KCNMA1: variants seen among roughly 807,000 people sequenced by gnomAD.
KCNMA1 encodes potassium calcium-activated channel subfamily M alpha 1, also known as Calcium-activated potassium channel subunit alpha-1.
A neutral mutation model predicts 140.0 loss-of-function variants in KCNMA1; 29 were observed. The observed-to-expected ratio is 0.21, with a 90% CI of 0.15 to 0.28. The LOEUF is 0.28. Ranked by LOEUF, KCNMA1 falls within the 10% of genes least tolerant of loss-of-function variation. KCNMA1 has a pLI of 1.00. For synonymous variants in KCNMA1, 612 were observed against 611.9 expected, an observed-to-expected ratio of 1.00 and a Z score of 0.00; for missense variants, 880 against 1,602.2, an observed-to-expected ratio of 0.55 and a Z score of 7.70.
intron 1 of KCNMA1, among the ~76,000 whole-genome samples, chr10:77,547,897 G>A (rs1013317223): frequency 6.6e-6 from 1 of 152,112 alleles, no homozygotes; most frequent in Non-Finnish European, 1.5e-5. Context: ...ATGCTCATCT[G>A]TTCTGGGGTG....
In KCNMA1 at chr10:77,025,276, A is replaced by G. The variant is rs553467393; in HGVS notation, c.1928+2547T>C. On this transcript the variant is annotated intron_variant, in intron 16 of 27. Transcript: ENST00000286628. The stretch of plus-strand genomic sequence containing the variant: ...TATATATATATATATATATATATAT[A>G]TATATACACACACACATATATAATA... 3.0e-5 allele frequency among the ~76,000 whole-genome samples: 4 copies of G among 134,588 alleles called. No individual in the cohort carries two copies. In the South Asian group the frequency reaches 7.1e-4, roughly 24 times the overall value. 88.3% of individuals were successfully genotyped at this position (134,588 alleles called of 152,430 possible). A position where few individuals can be genotyped will look rare whatever the true frequency, so the allele number is the denominator to read the frequency against.
chr10:77,391,365 T>A (rs562753024), intron 2 of KCNMA1, among the ~76,000 whole-genome samples: 14 of 152,228 alleles, frequency 9.2e-5, no homozygotes, highest in African/African-American at 3.4e-4. Flanking sequence ...CCCGTCTCCA[T>A]CATGTCAGCA....
intron 3 of KCNMA1, among the ~76,000 whole-genome samples, chr10:77,225,632 G>A (rs1318684537): frequency 6.6e-6 from 1 of 152,194 alleles, no homozygotes; most frequent in South Asian, 2.1e-4. Flanking sequence ...GGAAACTCCT[G>A]CGGCTGTCGT....
At chr10:77,541,407 T>C (rs1472638233) in intron 1 of KCNMA1, among the ~76,000 whole-genome samples, 1 of 152,184 alleles carries the variant, frequency 6.6e-6, no homozygotes, top group Non-Finnish European at 1.5e-5. Flanking sequence ...AAACTAATTT[T>C]GTTCCTCAAA....
intron 1 of KCNMA1, among the ~76,000 whole-genome samples, chr10:77,622,248 T>C (rs1460322758): frequency 2.0e-5 from 3 of 152,224 alleles, no homozygotes; most frequent in Admixed American, 2.0e-4. Flanking sequence ...CAAAACTCTC[T>C]GAACTTGTCA....
chr10:77,097,765 C>T (rs1249430735), intron 9 of KCNMA1, among the ~76,000 whole-genome samples: 1 of 152,196 alleles, frequency 6.6e-6, no homozygotes, highest in African/African-American at 2.4e-5. Flanking sequence ...ACATCTAGTA[C>T]TTTGCTAATC....
At chr10:77,276,209 C>T (rs539287689) in intron 2 of KCNMA1, among the ~76,000 whole-genome samples, 2 of 152,322 alleles carry the variant, frequency 1.3e-5, no homozygotes, top group South Asian at 4.1e-4. Context: ...AATAAGACTC[C>T]TCAGGAGCTG....
At chr10:76,874,735 T>A (rs2032045269), downstream of KCNMA1, 1 of 152,214 alleles carries the variant, frequency 6.6e-6, no homozygotes, top group Non-Finnish European at 1.5e-5. Context: ...ATTGGAATGT[T>A]CTCCAACGTG....
At chr10:77,056,308 A>G (rs2095538944) in intron 14 of KCNMA1, among the ~76,000 whole-genome samples, 1 of 152,068 alleles carries the variant, frequency 6.6e-6, no homozygotes, top group South Asian at 2.1e-4. Context: ...TGAACCCAGA[A>G]GGCAGAAGTT....
At chr10:76,908,067 A>T (rs199761382) in intron 25 of KCNMA1, among the ~76,000 whole-genome samples, 1 of 152,228 alleles carries the variant, frequency 6.6e-6, no homozygotes, top group East Asian at 1.9e-4. Flanking sequence ...CAGCTCTTAG[A>T]ACAGTCTTCT....
chr10:76,957,349 C>T (rs2068809829), intron 20 of KCNMA1, among the ~76,000 whole-genome samples: 1 of 152,000 alleles, frequency 6.6e-6, no homozygotes, highest in Non-Finnish European at 1.5e-5. Flanking sequence ...CAGACCAGGC[C>T]TTCCAGCTGT....
chr10:77,516,299 C>T (rs1258883159), intron 1 of KCNMA1, among the ~76,000 whole-genome samples: 3 of 152,230 alleles, frequency 2.0e-5, no homozygotes, highest in East Asian at 1.9e-4. Context: ...AAATCTGCTC[C>T]AAACTCCCCT....
chr10:77,160,209 C>T (rs1314319726), intron 5 of KCNMA1, among the ~76,000 whole-genome samples: 8 of 152,142 alleles, frequency 5.3e-5, no homozygotes, highest in Non-Finnish European at 1.0e-4. Context: ...CTGAGGATCC[C>T]TCAGCTGCCT....
intron 1 of KCNMA1, among the ~76,000 whole-genome samples, chr10:77,515,993 G>C (rs1217401109): frequency 1.3e-5 from 2 of 152,180 alleles, no homozygotes; most frequent in Non-Finnish European, 2.9e-5. Flanking sequence ...GGAACACAGA[G>C]CAGCTCCACA....
intron 1 of KCNMA1, among the ~76,000 whole-genome samples, chr10:77,564,904 G>C (rs932858880): frequency 6.6e-6 from 1 of 152,192 alleles, no homozygotes; most frequent in South Asian, 2.1e-4. Flanking sequence ...AGGAGTCAGT[G>C]ACATCATGAA....
chr10:77,007,080 G>A (rs1565499767), intron 18 of KCNMA1, among the ~76,000 whole-genome samples: 2 of 152,120 alleles, frequency 1.3e-5, no homozygotes, highest in African/African-American at 2.4e-5. Flanking sequence ...CACAGATTGG[G>A]TCTCCTTTTC....
In KCNMA1 at chr10:76,878,016, G is replaced by A. The variant is rs1028355158; in HGVS notation, c.3428-126C>T. On this transcript the variant is annotated intron_variant, in intron 29 of 29. Coordinates refer to the KCNMA1 transcript ENST00000372403. ...GGTAATCGATAGAAGCCGACAGTGA[G>A]TAATTGCTAAGAGAGACAGTGCAGT... 45 of 887,266 alleles carry A rather than the reference G, an allele frequency of 5.1e-5. 1 individual carries two copies. 55.0% of individuals were successfully genotyped at this position (887,266 alleles called of 1,614,324 possible). A position where few individuals can be genotyped will look rare whatever the true frequency, so the allele number is the denominator to read the frequency against.
At chr10:77,565,342 G>A (rs1264809613) in intron 1 of KCNMA1, among the ~76,000 whole-genome samples, 1 of 147,208 alleles carries the variant, frequency 6.8e-6, no homozygotes, top group Non-Finnish European at 1.5e-5. Flanking sequence ...GAAACAGGGA[G>A]AGAGCTTTTA....
chr10:77,143,853 A>G (rs1199823328), intron 5 of KCNMA1, among the ~76,000 whole-genome samples: 1 of 152,232 alleles, frequency 6.6e-6, no homozygotes, highest in Non-Finnish European at 1.5e-5. Flanking sequence ...TTACAGAAAT[A>G]AAAATTAAAA....
Sources: gnomAD v4.1 joint callset for allele counts (sites outside exome capture counted in the v4.1 genomes callset) on GRCh38, gnomAD v4.1.1 for gene constraint, MANE v1.5 for transcripts, NCBI Gene and HGNC (gene_info 2026-07-23, HGNC 2026-07-21) for gene names.